FAM107B: variants seen among roughly 807,000 people sequenced by gnomAD.
The protein encoded by FAM107B is protein FAM107B.
FAM107B carries 21 observed loss-of-function variants against 31.5 expected under a neutral mutation model. That is an observed-to-expected ratio of 0.67 (90% CI 0.47 to 0.96). The LOEUF (loss-of-function observed/expected upper bound fraction) is 0.96. FAM107B is among the 40% of genes least tolerant of loss of function. The probability of loss-of-function intolerance (pLI) is 0.00; values close to 1 mark genes in which losing one functional copy is unlikely to be tolerated. For synonymous variants in FAM107B, 157 were observed against 141.5 expected, an observed-to-expected ratio of 1.11 and a Z score of -0.78; for missense variants, 452 against 377.1, an observed-to-expected ratio of 1.20 and a Z score of -1.64.
At chr10:14,604,151 T>G in intron 2 of FAM107B, 2 of 570,114 alleles carry the variant, frequency 3.5e-6, no homozygotes, top group Non-Finnish European at 4.4e-6. Context: ...GCCGAGAGGG[T>G]CCCCGGAGCC....
rs78459724 is a variant in FAM107B, at chr10:14,754,458, G to A, written c.411+19795C>T. On this transcript the variant is annotated intron_variant, in intron 1 of 4. Transcript: ENST00000181796. ...TTAAACACGAGGACAACAGAAGAAA[G>A]TCCATGAGTTTTTCTATGGTTGGAA... Among the ~76,000 whole-genome samples, 1,295 of 152,264 alleles carry A rather than the reference G, an allele frequency of 8.5e-3. 79 individuals carry two copies. The East Asian group carries it at 0.16, about 19-fold the overall frequency.
intron 2 of FAM107B, among the ~76,000 whole-genome samples, chr10:14,627,126 C>A (rs1032093248): frequency 1.3e-5 from 2 of 152,112 alleles, no homozygotes; most frequent in African/African-American, 4.8e-5. Flanking sequence ...TGCTAGGCAC[C>A]AATTACCCCA....
intron 1 of FAM107B, among the ~76,000 whole-genome samples, chr10:14,683,653 T>C (rs1435304289): frequency 6.6e-6 from 1 of 152,188 alleles, no homozygotes; most frequent in Non-Finnish European, 1.5e-5. Flanking sequence ...ATTAGAAATA[T>C]CATATGGAGA....
intron 2 of FAM107B, among the ~76,000 whole-genome samples, chr10:14,629,540 A>G (rs183215306): frequency 0.038 from 4,933 of 128,134 alleles, 185 homozygotes; most frequent in South Asian, 0.055. Context: ...TGAGATGAAG[A>G]CTCGCTCTGT....
chr10:14,556,494 G>T, intron 2 of FAM107B: 1 of 850,952 alleles, frequency 1.2e-6, no homozygotes, highest in Non-Finnish European at 1.4e-6. Flanking sequence ...CCGACCTAAC[G>T]AGAGCTCAGC....
At chr10:14,566,644 A>AGT (rs1280292306) in intron 2 of FAM107B, among the ~76,000 whole-genome samples, 3 of 152,226 alleles carry the variant, frequency 2.0e-5, no homozygotes, top group African/African-American at 7.2e-5. Flanking sequence ...TATGATACTG[A>AGT]GTGTGCAATC....
In FAM107B at chr10:14,526,081, C is replaced by T. The variant is rs540387534; in HGVS notation, c.654-4062G>A. The stretch of plus-strand genomic sequence containing the variant: ...CAGAGGAAAGGTCTGGGGCTCAGAC[C>T]GTCACAGAACAATGCCTACTCACTT... On this transcript the variant is annotated intron_variant, in intron 3 of 4. Coordinates refer to ENST00000181796, the MANE Select transcript of FAM107B (RefSeq NM_031453.4). 1.1e-4 allele frequency among the ~76,000 whole-genome samples: 16 copies of T among 152,266 alleles called. No homozygotes were observed. In the South Asian group the frequency reaches 2.3e-3, roughly 22 times the overall value.
chr10:14,752,092 C>A lies in FAM107B; in HGVS notation c.411+22161G>T, dbSNP rs562751732. Among the ~76,000 whole-genome samples, 7 of 152,340 alleles carry A rather than the reference C, an allele frequency of 4.6e-5. No homozygotes were observed. In the East Asian group the frequency reaches 1.2e-3, roughly 25 times the overall value. ...TTCCATTTCAGACTGATGTCACTCC[C>A]AGCCTGTTGGTTTCCCAATATCCCA... On this transcript the variant is annotated intron_variant, in intron 1 of 4. Transcript: ENST00000181796.
At chr10:14,766,929 T>C (rs1833174159) in intron 1 of FAM107B, among the ~76,000 whole-genome samples, 1 of 146,896 alleles carries the variant, frequency 6.8e-6, no homozygotes, top group Non-Finnish European at 1.5e-5. Flanking sequence ...GAGGGAACAC[T>C]TCCTAATTCA....
chr10:14,575,759 C>T (rs1389049663), intron 2 of FAM107B, among the ~76,000 whole-genome samples: 2 of 152,092 alleles, frequency 1.3e-5, no homozygotes, highest in Non-Finnish European at 2.9e-5. Context: ...ATACAAATAC[C>T]CCATATGGGC....
At chr10:14,711,385 C>A (rs560064757) in intron 1 of FAM107B, among the ~76,000 whole-genome samples, 1 of 152,312 alleles carries the variant, frequency 6.6e-6, no homozygotes, top group Non-Finnish European at 1.5e-5. Context: ...ACAGGTGTAT[C>A]ATTTTTTATT....
chr10:14,747,528 CT>C, intron 1 of FAM107B, among the ~76,000 whole-genome samples: 1 of 151,926 alleles, frequency 6.6e-6, no homozygotes, highest in Non-Finnish European at 1.5e-5. Context: ...GTTTGTTTTT[CT>C]TTTACCATTC....
At chr10:14,676,314 G>T (rs1854682266) in intron 1 of FAM107B, among the ~76,000 whole-genome samples, 1 of 152,146 alleles carries the variant, frequency 6.6e-6, no homozygotes, top group Non-Finnish European at 1.5e-5. Context: ...ATACTGTGTT[G>T]CATTACTACT....
chr10:14,684,105 C>T (rs1483122653), intron 1 of FAM107B, among the ~76,000 whole-genome samples: 1 of 152,228 alleles, frequency 6.6e-6, no homozygotes, highest in East Asian at 1.9e-4. Context: ...TAGGCAGTGC[C>T]TTCTCAGCTG....
intron 1 of FAM107B, among the ~76,000 whole-genome samples, chr10:14,759,032 G>T (rs957259399): frequency 6.6e-6 from 1 of 151,742 alleles, no homozygotes; most frequent in African/African-American, 2.4e-5. Context: ...TACAAAATTA[G>T]CCAGGTGTGG....
At chr10:14,602,190 G>C (rs1009358391) in intron 2 of FAM107B, among the ~76,000 whole-genome samples, 1 of 152,142 alleles carries the variant, frequency 6.6e-6, no homozygotes, top group Admixed American at 6.5e-5. Context: ...CTACTGCACC[G>C]CAACACTCCC....
intron 1 of FAM107B, among the ~76,000 whole-genome samples, chr10:14,739,023 C>T (rs1856374935): frequency 1.3e-5 from 2 of 152,172 alleles, no homozygotes; most frequent in Non-Finnish European, 2.9e-5. Context: ...CCTCCACATA[C>T]CTGGAGCCTT....
Position 14,521,153 on chromosome 10 carries a change from T to C in FAM107B, c.*37A>G. The stretch of plus-strand genomic sequence containing the variant: ...TTGAGAAGGCACCCACAGACAGCTC[T>C]GTGGGGTGACACACGAGGTCTTGGT... On this transcript the variant is annotated 3_prime_UTR_variant, in exon 5 of 5. Transcript: ENST00000181796. The C allele has an allele frequency of 6.5e-7, 1 of 1,534,934 alleles. No individual in the cohort carries two copies. The highest frequency in any genetic ancestry group is 1.1e-5 in the South Asian group (1 of 88,664).
chr10:14,677,740 G>T (rs1854725574), intron 1 of FAM107B, among the ~76,000 whole-genome samples: 1 of 152,204 alleles, frequency 6.6e-6, no homozygotes, highest in Admixed American at 6.5e-5. Context: ...GGACTGAGGG[G>T]TTCCCCAGGA....
Sources: allele counts gnomAD v4.1 joint callset (sites outside exome capture counted in the v4.1 genomes callset), GRCh38; gene constraint gnomAD v4.1.1; transcripts MANE v1.5; gene names NCBI Gene and HGNC (gene_info 2026-07-23, HGNC 2026-07-21).